Variants in CACNB4 observed in about 807,000 individuals in gnomAD.
CACNB4 encodes voltage-dependent L-type calcium channel subunit beta-4.
CACNB4 carries 32 observed loss-of-function variants against 71.2 expected under a neutral mutation model. That is an observed-to-expected ratio of 0.45 (90% CI 0.34 to 0.60). CACNB4 has a LOEUF of 0.60. CACNB4 is among the 20% of genes least tolerant of loss of function. The probability of loss-of-function intolerance (pLI) is 0.01; values close to 1 mark genes in which losing one functional copy is unlikely to be tolerated. For synonymous variants in CACNB4, 231 were observed against 236.9 expected, an observed-to-expected ratio of 0.97 and a Z score of 0.23; for missense variants, 464 against 647.9, an observed-to-expected ratio of 0.72 and a Z score of 3.08.
rs763892703 is a variant in CACNB4 at position 152,098,430 on chromosome 2, G to A, written c.64-17C>T. 11 of 1,607,548 alleles carry A rather than the reference G, an allele frequency of 6.8e-6. No homozygotes were observed. The highest frequency in any genetic ancestry group is 9.4e-6 in the Non-Finnish European group (11 of 1,174,406). The stretch of plus-strand genomic sequence containing the variant: ...TCGGGCCACCTGGACTCGACACACG[G>A]GGGCCAGAGAGAAGCCGGTGAGGAC... On this transcript the variant is annotated splice_polypyrimidine_tract_variant and intron_variant, in intron 1 of 13. Transcript: ENST00000539935. The surrounding 1 kb of genome is among the most constrained non-coding windows in gnomAD (Gnocchi z 5.3).
At chr2:151,985,538 A>G (rs1448886115) in intron 2 of CACNB4, among the ~76,000 whole-genome samples, 1 of 152,170 alleles carries the variant, frequency 6.6e-6, no homozygotes, top group African/African-American at 2.4e-5. Context: ...GCCAATTTAC[A>G]TACCTATTAG....
chr2:152,000,099 T>A (rs974298972), intron 2 of CACNB4, among the ~76,000 whole-genome samples: 2 of 152,212 alleles, frequency 1.3e-5, no homozygotes, highest in Non-Finnish European at 2.9e-5. Flanking sequence ...CTTTTATTGA[T>A]CCTGAATTTT....
chr2:152,054,888 A>C (rs931455437), intron 2 of CACNB4, among the ~76,000 whole-genome samples: 2 of 152,116 alleles, frequency 1.3e-5, no homozygotes, highest in East Asian at 1.9e-4. Flanking sequence ...ACAAATGTCT[A>C]TTCCTATCCA....
chr2:151,849,121 C>A (rs1419725708), intron 12 of CACNB4, among the ~76,000 whole-genome samples: 1 of 152,154 alleles, frequency 6.6e-6, no homozygotes, highest in East Asian at 1.9e-4. Flanking sequence ...CCTTCCTCTT[C>A]CAAAGTAGAA....
At chr2:151,964,180 C>T (rs988628067) in intron 2 of CACNB4, among the ~76,000 whole-genome samples, 5 of 151,460 alleles carry the variant, frequency 3.3e-5, no homozygotes, top group African/African-American at 1.2e-4. Flanking sequence ...ATGGCTAAAC[C>T]ACGCTGCACA....
chr2:152,093,869 TG>T (rs1213910121), intron 2 of CACNB4, among the ~76,000 whole-genome samples: 2 of 152,210 alleles, frequency 1.3e-5, no homozygotes, highest in African/African-American at 4.8e-5. Flanking sequence ...CACAGAGTTT[TG>T]GGGGAGGTTA....
chr2:152,017,664 T>C (rs778189462), intron 2 of CACNB4, among the ~76,000 whole-genome samples: 1 of 151,184 alleles, frequency 6.6e-6, no homozygotes, highest in Non-Finnish European at 1.5e-5. Flanking sequence ...GCCGAGATCA[T>C]GCCACTGCAC....
chr2:151,957,627 G>A (rs2099868666), intron 2 of CACNB4, among the ~76,000 whole-genome samples: 1 of 152,154 alleles, frequency 6.6e-6, no homozygotes, highest in Non-Finnish European at 1.5e-5. Context: ...ATTTGACCCA[G>A]TATTTCTCAA....
chr2:151,975,656 C>T (rs1448728445), intron 2 of CACNB4, among the ~76,000 whole-genome samples: 1 of 152,152 alleles, frequency 6.6e-6, no homozygotes, highest in Non-Finnish European at 1.5e-5. Flanking sequence ...GGTTCCCTCC[C>T]CCATACACCA....
intron 10 of CACNB4, among the ~76,000 whole-genome samples, chr2:151,856,215 A>C (rs2099840273): frequency 6.8e-6 from 1 of 147,916 alleles, no homozygotes; most frequent in Admixed American, 6.7e-5. Context: ...AATATAAAAA[A>C]GTTTTATATA....
At chr2:152,027,625 G>A (rs575281725) in intron 2 of CACNB4, among the ~76,000 whole-genome samples, 49 of 152,158 alleles carry the variant, frequency 3.2e-4, no homozygotes, top group African/African-American at 9.9e-4. Context: ...AAGCCGAGGC[G>A]GGCGGATCAC....
At chr2:152,073,190 G>C (rs1287880053) in intron 2 of CACNB4, among the ~76,000 whole-genome samples, 3 of 152,170 alleles carry the variant, frequency 2.0e-5, no homozygotes, top group African/African-American at 7.2e-5. Flanking sequence ...AGTTGGCAGA[G>C]AGAATAAGGT....
At chr2:152,004,508 C>T (rs79382683) in intron 2 of CACNB4, among the ~76,000 whole-genome samples, 5,868 of 148,858 alleles carry the variant, frequency 0.039, 135 homozygotes, top group Non-Finnish European at 0.051. Flanking sequence ...AAACAACCCC[C>T]GTGTCCCCCC....
chr2:152,032,938 A>G (rs1684365993), intron 2 of CACNB4, among the ~76,000 whole-genome samples: 1 of 148,350 alleles, frequency 6.7e-6, no homozygotes, highest in Non-Finnish European at 1.5e-5. Flanking sequence ...CGGGCAATAG[A>G]GCAAGACCCT....
intron 9 of CACNB4, among the ~76,000 whole-genome samples, chr2:151,864,452 AT>A (rs1176971046): frequency 2.0e-5 from 3 of 152,202 alleles, no homozygotes; most frequent in East Asian, 3.8e-4. Flanking sequence ...TCAAAAAATA[AT>A]TTGTATTTCC....
At chr2:151,973,676 G>T (rs547439915) in intron 2 of CACNB4, 1 of 1,613,412 alleles carries the variant, frequency 6.2e-7, no homozygotes, top group Non-Finnish European at 8.5e-7. Flanking sequence ...TACAGCCTCC[G>T]AGTCTTCAAT....
intron 2 of CACNB4, among the ~76,000 whole-genome samples, chr2:151,958,991 G>A (rs140453553): frequency 0.015 from 2,310 of 152,320 alleles, 26 homozygotes; most frequent in Non-Finnish European, 0.024. Context: ...ATCAGTGTCT[G>A]ATCTGTTCCC....
At chr2:151,992,451 G>GCAAAAAAA in intron 2 of CACNB4, among the ~76,000 whole-genome samples, 1 of 152,220 alleles carries the variant, frequency 6.6e-6, no homozygotes, top group Non-Finnish European at 1.5e-5. Flanking sequence ...AAATGCAAGA[G>GCAAAAAAA]CAACTATAGC....
intron 9 of CACNB4, 46 bp downstream of exon 9, chr2:151,869,131 T>G (rs773049672): frequency 8.3e-6 from 9 of 1,089,176 alleles, no homozygotes; most frequent in East Asian, 2.6e-5. Flanking sequence ...ATCACACAAG[T>G]TTGGTTAAAG....
Sources: allele counts gnomAD v4.1 joint callset (sites outside exome capture counted in the v4.1 genomes callset), GRCh38; gene constraint gnomAD v4.1.1; non-coding constraint Gnocchi (gnomAD v3.1); transcripts MANE v1.5; gene names NCBI Gene and HGNC (gene_info 2026-07-23, HGNC 2026-07-21).